ABTB3: variants seen among roughly 807,000 people sequenced by gnomAD.
ABTB3 encodes the protein ankyrin repeat- and BTB/POZ domain-containing protein 3.
chr12:107,464,658 A>G, the ABTB3 span, among the ~76,000 whole-genome samples: 3 of 152,194 alleles, frequency 2.0e-5, no homozygotes, highest in Admixed American at 6.5e-5. Context: ...GGACTGAGCC[A>G]TCTGTTATCC....
chr12:107,573,059 C>A, the ABTB3 span, among the ~76,000 whole-genome samples: 63 of 152,278 alleles, frequency 4.1e-4, no homozygotes, highest in East Asian at 2.3e-3. Flanking sequence ...GTGGCACTGA[C>A]CTTCACGCTG....
chr12:107,398,345 T>C, the ABTB3 span, among the ~76,000 whole-genome samples: 1 of 152,234 alleles, frequency 6.6e-6, no homozygotes, highest in Non-Finnish European at 1.5e-5. Flanking sequence ...ACCATGGCCG[T>C]GGGCCTGTCC....
chr12:107,502,319 C>T, the ABTB3 span, among the ~76,000 whole-genome samples: 1 of 151,954 alleles, frequency 6.6e-6, no homozygotes, highest in Non-Finnish European at 1.5e-5. Flanking sequence ...ATCTGCCTAC[C>T]TCAGCCTCCC....
At chr12:107,423,549 G>A in the ABTB3 span, among the ~76,000 whole-genome samples, 1 of 152,186 alleles carries the variant, frequency 6.6e-6, no homozygotes, top group East Asian at 1.9e-4. Context: ...GACATTGATG[G>A]TGCAGGGTGG....
the ABTB3 span, among the ~76,000 whole-genome samples, chr12:107,540,339 G>A: frequency 6.6e-6 from 1 of 152,158 alleles, no homozygotes; most frequent in Non-Finnish European, 1.5e-5. Flanking sequence ...CCTTTCCTGT[G>A]CCTTTTTGTT....
At chr12:107,574,493 C>A in the ABTB3 span, among the ~76,000 whole-genome samples, 1 of 152,140 alleles carries the variant, frequency 6.6e-6, no homozygotes. Flanking sequence ...GAGGCCAAGG[C>A]AGGTGGATGA....
At chr12:107,568,882 C>G in the ABTB3 span, among the ~76,000 whole-genome samples, 1 of 152,186 alleles carries the variant, frequency 6.6e-6, no homozygotes, top group Admixed American at 6.5e-5. Flanking sequence ...AATACCAGAG[C>G]TGGTCCAAAC....
At chr12:107,320,752 A>G in the ABTB3 span, 81 of 449,920 alleles carry the variant, frequency 1.8e-4, no homozygotes, top group Non-Finnish European at 3.0e-4. Context: ...AAAGCCCCCA[A>G]TTCCAGCCTC....
At chr12:107,400,576 A>G in the ABTB3 span, among the ~76,000 whole-genome samples, 1 of 152,032 alleles carries the variant, frequency 6.6e-6, no homozygotes, top group Non-Finnish European at 1.5e-5. Context: ...TTACCTGTAC[A>G]ATGGGAATTG....
chr12:107,405,274 C>G, the ABTB3 span, among the ~76,000 whole-genome samples: 1 of 151,948 alleles, frequency 6.6e-6, no homozygotes, highest in Non-Finnish European at 1.5e-5. Context: ...AAACGGTGGC[C>G]GGGCCACTGT....
chr12:107,342,891 G>T, the ABTB3 span, among the ~76,000 whole-genome samples: 1 of 152,314 alleles, frequency 6.6e-6, no homozygotes, highest in East Asian at 1.9e-4. Context: ...CTGTAATACA[G>T]CTTGGGCAAT....
At chr12:107,603,896 G>A in the ABTB3 span, among the ~76,000 whole-genome samples, 15 of 152,144 alleles carry the variant, frequency 9.9e-5, no homozygotes, top group African/African-American at 3.4e-4. Flanking sequence ...AGGGCCGGGC[G>A]TGGTGGCTCA....
chr12:107,357,064 G>A, the ABTB3 span, among the ~76,000 whole-genome samples: 1 of 152,216 alleles, frequency 6.6e-6, no homozygotes. Context: ...GGAATCTCGT[G>A]AATTACAGCT....
chr12:107,407,101 G>A, the ABTB3 span, among the ~76,000 whole-genome samples: 1 of 152,100 alleles, frequency 6.6e-6, no homozygotes, highest in Non-Finnish European at 1.5e-5. Context: ...TACACATAAA[G>A]CACTTACAAC....
At chr12:107,331,733 G>A in the ABTB3 span, among the ~76,000 whole-genome samples, 2 of 152,210 alleles carry the variant, frequency 1.3e-5, no homozygotes, top group Non-Finnish European at 2.9e-5. Context: ...CCCCATGTCA[G>A]TGCCTCTGAT....
chr12:107,610,165 G>T, the ABTB3 span: 10 of 1,613,972 alleles, frequency 6.2e-6, no homozygotes, highest in Non-Finnish European at 8.5e-6. Context: ...CGCTGTACCC[G>T]CATGATGTCT....
chr12:107,555,083 T>C, the ABTB3 span, among the ~76,000 whole-genome samples: 1 of 152,166 alleles, frequency 6.6e-6, no homozygotes, highest in Non-Finnish European at 1.5e-5. Flanking sequence ...CTCTCAGGCT[T>C]TGGAGCAGCA....
chr12:107,364,294 C>CT, the ABTB3 span, among the ~76,000 whole-genome samples: 181 of 149,472 alleles, frequency 1.2e-3, 2 homozygotes, highest in East Asian at 0.021. Flanking sequence ...TTTCTTTTTT[C>CT]TTTTTTTTTA....
chr12:107,577,701 A>T, the ABTB3 span, among the ~76,000 whole-genome samples: 1 of 152,092 alleles, frequency 6.6e-6, no homozygotes. Context: ...TGAGTGGACC[A>T]TCTCCCTCCT....
Sources: allele counts gnomAD v4.1 joint callset (sites outside exome capture counted in the v4.1 genomes callset), GRCh38; gene constraint gnomAD v4.1.1; transcripts MANE v1.5; gene names NCBI Gene and HGNC (gene_info 2026-07-23, HGNC 2026-07-21).